The following MIA3 variants were observed in gnomAD, a reference collection of about 807,000 sequenced individuals.
MIA3 encodes transport and Golgi organization protein 1 homolog.
A neutral mutation model predicts 192.4 loss-of-function variants in MIA3; 90 were observed. The ratio of observed to expected loss-of-function variants is 0.47; its 90% confidence interval spans 0.39 to 0.56. MIA3 has a LOEUF of 0.56. Among genes scored for constraint, MIA3 ranks in the 20% least tolerant of loss-of-function variants. The pLI is 0.00. For synonymous variants in MIA3, 740 were observed against 792.8 expected (o/e 0.93, Z 1.12); for missense variants, 2,123 against 2,269.4 (o/e 0.94, Z 1.31).
intron 6 of MIA3, among the ~76,000 whole-genome samples, chr1:222,634,122 G>A (rs1190186083): frequency 1.3e-5 from 2 of 152,154 alleles, no homozygotes; most frequent in Non-Finnish European, 2.9e-5. Flanking sequence ...GATTACAGGC[G>A]TGAGCCACCA....
intron 2 of MIA3, among the ~76,000 whole-genome samples, chr1:222,622,511 C>T (rs1422743116): frequency 6.6e-6 from 1 of 152,188 alleles, no homozygotes; most frequent in Non-Finnish European, 1.5e-5. Context: ...GGAAAATAGA[C>T]TGATTTTGTT....
rs1663939248 is a variant in MIA3, at chr1:222,660,198, C to T, written c.4997C>T (p.Ser1666Phe). Residue 1666 changes from serine to phenylalanine, a missense_variant, in exon 24 of 28, where the codon TCT becomes TTT. By Grantham distance (155) the Ser-to-Phe change is radical. Around this residue, in one of 3 missense-constraint regions of MIA3, gnomAD observed 762 missense variants for 856.4 expected, o/e 0.89. Transcript: ENST00000344922. ...TTAGGTCCTCTGAGCCAGAATGGCT[C>T]TTTTGGCCCATCCCCTGTGAGTGGT... ...PRRGPLSQNG[S>F]FGPSPVSGGE... The T allele has an allele frequency of 6.2e-7, 1 of 1,613,408 alleles. No individual in the cohort carries two copies. Among genetic ancestry groups the T allele is most frequent in the Non-Finnish European group, 8.5e-7 (1 of 1,179,782 alleles).
chr1:222,644,452 G>A (rs780370820), intron 6 of MIA3: 6 of 1,550,448 alleles, frequency 3.9e-6, no homozygotes, highest in Non-Finnish European at 5.2e-6. Flanking sequence ...GGGAATTGTC[G>A]CTTGCGTTCA....
intron 18 of MIA3, among the ~76,000 whole-genome samples, chr1:222,657,638 T>C (rs1056701855): frequency 6.6e-6 from 1 of 152,204 alleles, no homozygotes; most frequent in African/African-American, 2.4e-5. Flanking sequence ...TCAAGACTTG[T>C]TTTTTCCACA....
At chr1:222,652,427 T>C in intron 13 of MIA3, 95 bp downstream of exon 13, 1 of 800,918 alleles carries the variant, frequency 1.2e-6, no homozygotes, top group Non-Finnish European at 2.1e-6. Context: ...TAGGGTAATA[T>C]ATGTGCAGGA....
intron 1 of MIA3, 50 bp downstream of exon 1, chr1:222,618,293 C>T: frequency 7.6e-7 from 1 of 1,322,800 alleles, no homozygotes; most frequent in Non-Finnish European, 9.7e-7. Flanking sequence ...GCCTTGGGGT[C>T]TCCGCCGGCC....
chr1:222,659,966 A>G lies in MIA3; in HGVS notation c.4935A>G (p.Pro1645=), dbSNP rs1448844209. 2.5e-6 allele frequency: 4 copies of G among 1,613,884 alleles called. No homozygotes were observed. The highest frequency in any genetic ancestry group is 2.2e-5 in the South Asian group (2 of 91,066). The change falls in exon 23 of 28, where the codon CCA becomes CCG. Residue 1645 remains proline, a synonymous_variant. Coordinates refer to ENST00000344922, the MANE Select transcript of MIA3 (RefSeq NM_198551.4). ...AAGAAGAACCTGTGATTGTAAAACC[A>G]ATGCCAGGAAAACCAAATACACAAA... ...MLQEEPVIVK[P]MPGKPNTQNP... is the part of the protein sequence containing the mutation.
Position 222,659,893 on chromosome 1 carries a change from C to T in MIA3, c.4875-13C>T. 2 of 1,603,042 alleles carry T rather than the reference C, an allele frequency of 1.2e-6. No individual in the cohort carries two copies. Among genetic ancestry groups the T allele is most frequent in the Non-Finnish European group, 1.7e-6 (2 of 1,171,518 alleles). Reference sequence around the variant, plus strand: ...TTTAACTCTTTCTTAAATATTCTTTCTCTATATTCAAGATTATTAGAATTA... The same window carrying T: ...TTTAACTCTTTCTTAAATATTCTTTTTCTATATTCAAGATTATTAGAATTA... On this transcript the variant is annotated splice_polypyrimidine_tract_variant and intron_variant, in intron 22 of 27. Coordinates refer to ENST00000344922, the MANE Select transcript of MIA3 (RefSeq NM_198551.4).
In MIA3 at chr1:222,653,131, G is replaced by T; in HGVS notation, c.4209+1G>T. ...TACTCACAAGGATGATAATATTAAT[G>T]TAAGTGCGTTCATGAATACAAGCTT... is the stretch of plus-strand genomic sequence containing the variant. On this transcript the variant is annotated splice_donor_variant, in intron 14 of 27. Transcript: ENST00000344922. LOFTEE classifies it high-confidence loss of function. 6.2e-7 allele frequency: 1 copy of T among 1,606,880 alleles called. No homozygotes were observed. The highest frequency in any genetic ancestry group is 8.5e-7 in the Non-Finnish European group (1 of 1,174,306).
intron 3 of MIA3, 74 bp downstream of exon 3, chr1:222,624,928 T>A: frequency 1.4e-6 from 1 of 713,178 alleles, no homozygotes; most frequent in South Asian, 1.6e-5. Flanking sequence ...AAAAGAAAAA[T>A]TTCAAAAGAA....
intron 3 of MIA3, 44 bp downstream of exon 3, chr1:222,624,898 T>C: frequency 9.3e-7 from 1 of 1,077,098 alleles, no homozygotes; most frequent in Non-Finnish European, 1.4e-6. Flanking sequence ...TAAGTTGGCT[T>C]ATAAGTGACT....
At position 222,628,466 on chromosome 1, in the gene MIA3, G is replaced by T; in HGVS notation, c.1246G>T (p.Asp416Tyr). ...TTCAGAGGAAGAAAAAGAAGATGAT[G>T]ATGATGCATTAGTCCCAGATAGCAA... is the stretch of plus-strand genomic sequence containing the variant. ...SSSEEEKEDD[D>Y]DALVPDSKQG... is the part of the protein sequence containing the mutation. The change falls in exon 4 of 28, where the codon GAT (aspartate) becomes TAT (tyrosine). Residue 416 changes from aspartate (D) to tyrosine (Y), a missense_variant. Asp to Tyr is a radical substitution (Grantham distance 160). Transcript: ENST00000344922. The T allele has an allele frequency of 1.2e-6, 2 of 1,612,768 alleles. No homozygotes were observed. The highest frequency in any genetic ancestry group is 1.7e-6 in the Non-Finnish European group (2 of 1,179,670).
chr1:222,659,529 C>G lies in MIA3; in HGVS notation c.4770+16C>G. ...TAAAAACCAGGTAATAATTCTAGTG[C>G]CCTACTATATAGTGCCCGGAATTCT... On this transcript the variant is annotated intron_variant, in intron 20 of 27. Coordinates refer to ENST00000344922, the MANE Select transcript of MIA3 (RefSeq NM_198551.4). 1.2e-6 allele frequency: 2 copies of G among 1,611,946 alleles called. No individual in the cohort carries two copies. Among genetic ancestry groups the G allele is most frequent in the South Asian group, 2.2e-5 (2 of 91,022 alleles).
intron 6 of MIA3, 41 bp downstream of exon 6, chr1:222,633,290 A>T: frequency 6.6e-7 from 1 of 1,504,896 alleles, no homozygotes; most frequent in Non-Finnish European, 9.1e-7. Context: ...AATGTTGATT[A>T]TTACAGTTTT....
chr1:222,658,688 G>A (rs745963027), intron 18 of MIA3, 34 bp from the exon 19 acceptor site: 19 of 1,499,658 alleles, frequency 1.3e-5, no homozygotes, highest in Non-Finnish European at 1.7e-5. Context: ...GAGGAAAAGA[G>A]AAACACTTTC....
At chr1:222,622,756 T>C (rs758861461) in intron 2 of MIA3, among the ~76,000 whole-genome samples, 2 of 152,232 alleles carry the variant, frequency 1.3e-5, no homozygotes, top group Non-Finnish European at 2.9e-5. Flanking sequence ...CTCCTCATCT[T>C]TGAGCATTTG....
intron 6 of MIA3, among the ~76,000 whole-genome samples, chr1:222,636,498 G>C (rs1662629342): frequency 7.0e-6 from 1 of 143,162 alleles, no homozygotes; most frequent in Non-Finnish European, 1.5e-5. Context: ...CTTGTTCCTA[G>C]TGTCCATCTT....
intron 8 of MIA3, chr1:222,649,495 G>T: frequency 6.6e-6 from 1 of 152,528 alleles, no homozygotes. Flanking sequence ...GGCCTGGTGT[G>T]GTGGCTCATG....
chr1:222,654,518 A>G (rs545492433), intron 17 of MIA3, 39 bp downstream of exon 17: 2 of 1,571,690 alleles, frequency 1.3e-6, no homozygotes, highest in South Asian at 2.2e-5. Context: ...ATATATTGGA[A>G]AGATACAAAA....
Sources: gnomAD v4.1 joint callset for allele counts (sites outside exome capture counted in the v4.1 genomes callset) on GRCh38, gnomAD v4.1.1 for gene constraint, gnomAD v4.1.1 regional missense constraint, MANE v1.5 for transcripts, NCBI Gene and HGNC (gene_info 2026-07-23, HGNC 2026-07-21) for gene names.